DNAJC7: variants seen among roughly 807,000 people sequenced by gnomAD.
The protein encoded by DNAJC7 is dnaJ homolog subfamily C member 7.
In DNAJC7, 18 loss-of-function variants were observed where a neutral mutation model predicts 67.4. The ratio of observed to expected loss-of-function variants is 0.27; its 90% confidence interval spans 0.18 to 0.40. The LOEUF (loss-of-function observed/expected upper bound fraction) is 0.40, where lower values mean the gene tolerates loss of function less well. Ranked by LOEUF, DNAJC7 falls within the 10% of genes least tolerant of loss-of-function variation. The probability of loss-of-function intolerance (pLI) is 1.00; values close to 1 mark genes in which losing one functional copy is unlikely to be tolerated. For missense variants in DNAJC7, 419 were observed against 613.8 expected, an observed-to-expected ratio of 0.68 and a Z score of 3.35; for synonymous variants, 220 against 207.8, an observed-to-expected ratio of 1.06 and a Z score of -0.50.
Position 41,988,824 on chromosome 17 carries a change from A to G in DNAJC7, c.826T>C (p.Tyr276His), listed in dbSNP as rs782073340. The G allele has an allele frequency of 6.2e-7, 1 of 1,613,876 alleles. No individual in the cohort carries two copies. The highest frequency in any genetic ancestry group is 8.5e-7 in the Non-Finnish European group (1 of 1,179,852). The part of the protein sequence containing the change: ...AFKEGNYKLA[Y>H]ELYTEALGID... ...CCCAGGGCTTCTGTGTACAGTTCAT[A>G]TGCTAGTTTGTAATTTCCTTCCTTA... The change falls in exon 8 of 14, where the codon TAT (tyrosine) becomes CAT (histidine). Residue 276 changes from tyrosine (Y) to histidine (H), a missense_variant. Tyr to His is a moderately conservative substitution (Grantham distance 83). This residue lies in a region of DNAJC7 where 16 missense variants were observed against 57.9 expected (regional missense o/e 0.28). Coordinates refer to ENST00000457167, the MANE Select transcript of DNAJC7 (RefSeq NM_003315.4).
At chr17:41,993,382 C>G (rs1297716299) in intron 5 of DNAJC7, among the ~76,000 whole-genome samples, 1 of 152,116 alleles carries the variant, frequency 6.6e-6, no homozygotes, top group Non-Finnish European at 1.5e-5. Flanking sequence ...TGGCATGAAC[C>G]CAGGAGGCGG....
chr17:42,002,302 G>A (rs2051828477), intron 1 of DNAJC7, among the ~76,000 whole-genome samples: 1 of 152,184 alleles, frequency 6.6e-6, no homozygotes, highest in Non-Finnish European at 1.5e-5. Flanking sequence ...TTGGCTAGTG[G>A]CTAAGAATAT....
intron 1 of DNAJC7, among the ~76,000 whole-genome samples, chr17:42,005,413 A>G (rs1368630455): frequency 1.3e-5 from 2 of 152,246 alleles, no homozygotes; most frequent in East Asian, 3.8e-4. Flanking sequence ...AACACTTAAG[A>G]TCTCTGCGTT....
At chr17:41,979,622 A>G (rs1481947946) in intron 12 of DNAJC7, among the ~76,000 whole-genome samples, 2 of 131,578 alleles carry the variant, frequency 1.5e-5, no homozygotes, top group Non-Finnish European at 3.1e-5. Context: ...CAGTGAGCCA[A>G]GATGGCACTA....
intron 9 of DNAJC7, among the ~76,000 whole-genome samples, chr17:41,983,881 G>C (rs1196800103): frequency 6.6e-6 from 1 of 152,234 alleles, no homozygotes; most frequent in African/African-American, 2.4e-5. Context: ...TGAGCAGAAA[G>C]TAATCAAGAG....
intron 1 of DNAJC7, 69 bp from the exon 2 acceptor site, chr17:42,000,639 G>T (rs2051784971): frequency 5.6e-6 from 7 of 1,248,638 alleles, no homozygotes; most frequent in Non-Finnish European, 6.8e-6. Context: ...CTTACAGGAG[G>T]AATCTTTGGT....
intron 12 of DNAJC7, among the ~76,000 whole-genome samples, chr17:41,980,482 C>T (rs2051221067): frequency 6.6e-6 from 1 of 152,088 alleles, no homozygotes; most frequent in African/African-American, 2.4e-5. Context: ...GCCTCCTGGG[C>T]TCAAGAGTTT....
intron 4 of DNAJC7, among the ~76,000 whole-genome samples, chr17:41,995,838 T>C (rs190115217): frequency 5.4e-4 from 82 of 152,360 alleles, no homozygotes; most frequent in Non-Finnish European, 9.8e-4. Flanking sequence ...GACAGGTTCT[T>C]GCTCTGTTGC....
At chr17:41,987,603 G>A (rs2051416223) in intron 9 of DNAJC7, 1 of 507,934 alleles carries the variant, frequency 2.0e-6, no homozygotes, top group Admixed American at 3.5e-5. Flanking sequence ...ACCGTGAGGG[G>A]CGTTAGACAC....
Position 41,994,290 on chromosome 17 carries a change from T to C in DNAJC7, c.480+580A>G, listed in dbSNP as rs561558280. Among the ~76,000 whole-genome samples the C allele has an allele frequency of 1.0e-4, 15 of 150,064 alleles. No homozygotes were observed. In the South Asian group the frequency reaches 2.8e-3, roughly 28 times the overall value. On this transcript the variant is annotated intron_variant, in intron 5 of 13. Coordinates refer to ENST00000457167, the MANE Select transcript of DNAJC7 (RefSeq NM_003315.4). ...GGCAGAGGTTGCAGTGAGCCGAGATTATGCCACTGTACTCCAGCCTGGGTG... is the reference window on the plus strand; with the variant it reads ...GGCAGAGGTTGCAGTGAGCCGAGATCATGCCACTGTACTCCAGCCTGGGTG...
At chr17:42,005,200 T>C (rs1163115281) in intron 1 of DNAJC7, among the ~76,000 whole-genome samples, 3 of 152,234 alleles carry the variant, frequency 2.0e-5, no homozygotes, top group African/African-American at 7.2e-5. Flanking sequence ...AAGGGAATCA[T>C]TTGGTATCAC....
intron 1 of DNAJC7, chr17:42,012,847 G>A: frequency 6.6e-6 from 1 of 152,366 alleles, no homozygotes; most frequent in Non-Finnish European, 1.5e-5. Context: ...CCAGGATGCA[G>A]TGCAGTGGTG....
chr17:42,007,326 G>A lies in DNAJC7; in HGVS notation c.78-6756C>T, dbSNP rs1043592230. On this transcript the variant is annotated intron_variant, in intron 1 of 13. Transcript: ENST00000457167. Reference sequence around the variant, plus strand: ...ATGCCCTCCACCCTTCAGAATTCACGGGATCTTGGCCAGTCAGAGTAGAAA... The same window carrying A: ...ATGCCCTCCACCCTTCAGAATTCACAGGATCTTGGCCAGTCAGAGTAGAAA... 4.9e-4 allele frequency among the ~76,000 whole-genome samples: 74 copies of A among 151,660 alleles called. 1 individual carries two copies. The highest frequency in any genetic ancestry group is 3.0e-3 in the Admixed American group (46 of 15,210).
intron 12 of DNAJC7, among the ~76,000 whole-genome samples, chr17:41,979,383 A>G (rs1262740108): frequency 1.6e-4 from 24 of 151,562 alleles, no homozygotes; most frequent in African/African-American, 5.8e-4. Flanking sequence ...AATAAGTTGC[A>G]ATGGAAGGCC....
chr17:42,007,746 A>C (rs1043945447), intron 1 of DNAJC7, among the ~76,000 whole-genome samples: 2 of 150,750 alleles, frequency 1.3e-5, no homozygotes, highest in Non-Finnish European at 3.0e-5. Flanking sequence ...CTGGTCTCAA[A>C]CTCTTGAGCT....
intron 1 of DNAJC7, among the ~76,000 whole-genome samples, chr17:42,006,100 C>T (rs1407555968): frequency 3.9e-5 from 6 of 151,934 alleles, no homozygotes; most frequent in Admixed American, 2.0e-4. Flanking sequence ...CCCACAACCA[C>T]GCCTGGCTGA....
intron 1 of DNAJC7, chr17:42,013,436 TAGC>T (rs1175028148): frequency 6.6e-6 from 1 of 152,226 alleles, no homozygotes. Flanking sequence ...TGTGACAACT[TAGC>T]AGCAGCAGGA....
intron 1 of DNAJC7, chr17:42,010,928 T>C (rs1227201623): frequency 6.6e-6 from 1 of 152,164 alleles, no homozygotes; most frequent in Non-Finnish European, 1.5e-5. Context: ...GGGTAAAACA[T>C]AGGAATTGCC....
In DNAJC7 at chr17:41,976,482, A is replaced by C; in HGVS notation, c.*251T>G. 1 of 473,788 alleles carries C rather than the reference A, an allele frequency of 2.1e-6. No homozygotes were observed. Among genetic ancestry groups the C allele is most frequent in the Non-Finnish European group, 3.7e-6 (1 of 272,306 alleles). 29.3% of individuals were successfully genotyped at this position (473,788 alleles called of 1,614,324 possible). A position where few individuals can be genotyped will look rare whatever the true frequency, so the allele number is the denominator to read the frequency against. On this transcript the variant is annotated 3_prime_UTR_variant, in exon 14 of 14. Coordinates refer to ENST00000457167, the MANE Select transcript of DNAJC7 (RefSeq NM_003315.4). ...TTCTCTTTTTTTTTTCTTTTTTAAT[A>C]AAGTTAAACAGTAAAACAAAAATTC...
Sources: allele counts gnomAD v4.1 joint callset (sites outside exome capture counted in the v4.1 genomes callset), GRCh38; gene constraint gnomAD v4.1.1; regional missense constraint gnomAD v4.1.1; transcripts MANE v1.5; gene names NCBI Gene and HGNC (gene_info 2026-07-23, HGNC 2026-07-21).